Variants in RETREG1 observed in about 807,000 individuals in gnomAD.
RETREG1 encodes the protein family with sequence similarity 134 member B.
RETREG1 carries 44 observed loss-of-function variants against 54.8 expected under a neutral mutation model. The observed-to-expected ratio is 0.80, with a 90% CI of 0.63 to 1.03. The LOEUF (loss-of-function observed/expected upper bound fraction) is 1.03. RETREG1 is among the 50% of genes least tolerant of loss of function. The pLI is 0.00. For synonymous variants in RETREG1, 217 were observed against 238.5 expected, an observed-to-expected ratio of 0.91 and a Z score of 0.83; for missense variants, 554 against 605.1, an observed-to-expected ratio of 0.92 and a Z score of 0.89.
chr5:16,474,577 G>T lies in RETREG1; in HGVS notation c.*164C>A. On this transcript the variant is annotated 3_prime_UTR_variant, in exon 9 of 9. Transcript: ENST00000306320. The stretch of plus-strand genomic sequence containing the variant: ...CAGAAATATCAATCTATCAGTGTCA[G>T]CTGATATATATCCAATTAATTCACT... The T allele has an allele frequency of 1.3e-6, 1 of 777,164 alleles. No individual in the cohort carries two copies. Among genetic ancestry groups the T allele is most frequent in the Non-Finnish European group, 2.0e-6 (1 of 496,762 alleles). 48.1% of individuals were successfully genotyped at this position (777,164 alleles called of 1,614,324 possible).
At chr5:16,523,316 A>G (rs369920099) in intron 3 of RETREG1, among the ~76,000 whole-genome samples, 2 of 152,018 alleles carry the variant, frequency 1.3e-5, no homozygotes, top group African/African-American at 2.4e-5. Flanking sequence ...GCCACATTCA[A>G]TCTTGGTATC....
At chr5:16,493,771 T>G (rs964718583) in intron 3 of RETREG1, among the ~76,000 whole-genome samples, 1 of 151,940 alleles carries the variant, frequency 6.6e-6, no homozygotes, top group African/African-American at 2.4e-5. Context: ...AAAAAAAAAG[T>G]CATTAACAAT....
intron 3 of RETREG1, 138 bp from the exon 4 acceptor site, chr5:16,483,610 A>G (rs1206949238): frequency 2.5e-6 from 2 of 806,016 alleles, no homozygotes; most frequent in Admixed American, 4.6e-5. Context: ...GAAGGGAACT[A>G]TCCAGACACC....
intron 3 of RETREG1, among the ~76,000 whole-genome samples, chr5:16,559,673 T>G (rs146295980): frequency 9.2e-5 from 14 of 152,274 alleles, no homozygotes; most frequent in Non-Finnish European, 1.9e-4. Flanking sequence ...ATTTGTTGTA[T>G]GTAAAGTTAT....
intron 3 of RETREG1, among the ~76,000 whole-genome samples, chr5:16,527,754 G>C (rs1740758330): frequency 7.1e-6 from 1 of 140,420 alleles, no homozygotes; most frequent in Non-Finnish European, 1.5e-5. Flanking sequence ...GATGAAGACT[G>C]ATCAAAATAG....
chr5:16,604,749 T>C (rs1041997266), intron 1 of RETREG1, among the ~76,000 whole-genome samples: 1 of 152,192 alleles, frequency 6.6e-6, no homozygotes. Flanking sequence ...CACTTAGGTA[T>C]TGCCTTTTTC....
chr5:16,539,889 A>G (rs1426909811), intron 3 of RETREG1, among the ~76,000 whole-genome samples: 1 of 152,274 alleles, frequency 6.6e-6, no homozygotes, highest in African/African-American at 2.4e-5. Flanking sequence ...GTTTTAAAAT[A>G]ACTTTTCTTT....
At chr5:16,563,807 T>C (rs1741936572) in intron 3 of RETREG1, among the ~76,000 whole-genome samples, 1 of 152,080 alleles carries the variant, frequency 6.6e-6, no homozygotes, top group Non-Finnish European at 1.5e-5. Context: ...AATATAAATC[T>C]TTTTTTTCCA....
At chr5:16,612,332 A>G (rs1303567884) in intron 1 of RETREG1, among the ~76,000 whole-genome samples, 3 of 152,080 alleles carry the variant, frequency 2.0e-5, no homozygotes, top group African/African-American at 7.3e-5. Context: ...CAAAAAGTTG[A>G]TATTTAAAAA....
At chr5:16,517,787 G>T (rs1740406402) in intron 3 of RETREG1, among the ~76,000 whole-genome samples, 1 of 152,048 alleles carries the variant, frequency 6.6e-6, no homozygotes, top group Admixed American at 6.6e-5. Flanking sequence ...TATATTACTT[G>T]TAAACATATT....
At chr5:16,571,099 A>G (rs1742161452) in intron 2 of RETREG1, among the ~76,000 whole-genome samples, 2 of 152,204 alleles carry the variant, frequency 1.3e-5, no homozygotes, top group Middle Eastern at 3.2e-3. Flanking sequence ...AGATCCCTAG[A>G]ACACCATGAT....
At chr5:16,586,948 A>G (rs1296013079) in intron 1 of RETREG1, among the ~76,000 whole-genome samples, 1 of 152,210 alleles carries the variant, frequency 6.6e-6, no homozygotes, top group Non-Finnish European at 1.5e-5. Context: ...AGAAGGGGCA[A>G]AAGATCTCTC....
At chr5:16,492,229 T>TCTCTCTCTCTCTCA (rs1406702350) in intron 3 of RETREG1, among the ~76,000 whole-genome samples, 77 of 110,628 alleles carry the variant, frequency 7.0e-4, no homozygotes, top group African/African-American at 7.8e-4. Context: ...TCTCTCTCTC[T>TCTCTCTCTCTCTCA]CACACACACA....
chr5:16,541,739 G>GGGAAGGAAGGAAGGAAGGAAGGAAGGAA (rs59287809), intron 3 of RETREG1, among the ~76,000 whole-genome samples: 19 of 102,252 alleles, frequency 1.9e-4, no homozygotes, highest in East Asian at 3.0e-4. Flanking sequence ...GAGGGAGGGA[G>GGGAAGGAAGGAAGGAAGGAAGGAAGGAA]GGAAGGAAGG....
At chr5:16,479,767 G>T (rs370105698) in intron 5 of RETREG1, among the ~76,000 whole-genome samples, 3 of 151,966 alleles carry the variant, frequency 2.0e-5, no homozygotes, top group Non-Finnish European at 4.4e-5. Flanking sequence ...GAAGTGTCCC[G>T]TATTATATTT....
intron 3 of RETREG1, among the ~76,000 whole-genome samples, chr5:16,562,759 C>G (rs182510132): frequency 2.3e-3 from 343 of 152,208 alleles, no homozygotes; most frequent in African/African-American, 8.1e-3. Flanking sequence ...CTGCCCATAT[C>G]AACCAAAACA....
Position 16,616,904 on chromosome 5 carries a change from G to T in RETREG1, c.68C>A (p.Ala23Glu). 6.8e-7 allele frequency: 1 copy of T among 1,479,922 alleles called. No homozygotes were observed. Among genetic ancestry groups the T allele is most frequent in the Non-Finnish European group, 8.9e-7 (1 of 1,122,648 alleles). 91.7% of individuals were successfully genotyped at this position (1,479,922 alleles called of 1,614,324 possible). Residue 23 changes from alanine (A) to glutamate (E), a missense_variant, in exon 1 of 9, where the codon GCG becomes GAG. Around this residue, in one of 4 missense-constraint regions of RETREG1, gnomAD observed 175 missense variants for 142.1 expected, o/e 1.23. Coordinates refer to ENST00000306320, the MANE Select transcript of RETREG1 (RefSeq NM_001034850.3). ...GCPAPAAEEQ[A>E]PPSPPPPQAS... ...CTGGGGCGGTGGCGGCGACGGCGGC[G>T]CCTGCTCCTCGGCGGCAGGAGCCGG...
At chr5:16,483,821 G>C (rs372881273) in intron 3 of RETREG1, among the ~76,000 whole-genome samples, 2 of 152,028 alleles carry the variant, frequency 1.3e-5, no homozygotes, top group Admixed American at 1.3e-4. Flanking sequence ...ATATGCAGAA[G>C]CCCTGGAGTG....
chr5:16,492,193 T>G (rs1415230238), intron 3 of RETREG1, among the ~76,000 whole-genome samples: 1 of 144,894 alleles, frequency 6.9e-6, no homozygotes, highest in East Asian at 2.0e-4. Context: ...TTTCAGACAG[T>G]GTTGTCCTCT....
Sources: gnomAD v4.1 joint callset for allele counts (sites outside exome capture counted in the v4.1 genomes callset) on GRCh38, gnomAD v4.1.1 for gene constraint, gnomAD v4.1.1 regional missense constraint, MANE v1.5 for transcripts, NCBI Gene and HGNC (gene_info 2026-07-23, HGNC 2026-07-21) for gene names.